The following ATP11A variants were observed in gnomAD, a reference collection of about 807,000 sequenced individuals.
The protein encoded by ATP11A is phospholipid-transporting ATPase IH.
A neutral mutation model predicts 154.4 loss-of-function variants in ATP11A; 81 were observed. That is an observed-to-expected ratio of 0.52 (90% confidence interval 0.44 to 0.63). ATP11A has a LOEUF of 0.63. Ranked by LOEUF, ATP11A falls within the 30% of genes least tolerant of loss-of-function variation. The pLI, the probability that ATP11A is intolerant of heterozygous loss-of-function variation, is 0.00. For synonymous variants in ATP11A, 623 were observed against 585.9 expected, an observed-to-expected ratio of 1.06 and a Z score of -0.91; for missense variants, 1,316 against 1,474.3, an observed-to-expected ratio of 0.89 and a Z score of 1.76.
intron 1 of ATP11A, among the ~76,000 whole-genome samples, chr13:112,691,060 C>T (rs1029264156): frequency 6.6e-6 from 1 of 152,250 alleles, no homozygotes; most frequent in Admixed American, 6.5e-5. Flanking sequence ...GGAATTTGCC[C>T]CTTCAGTGAT....
At chr13:112,701,858 G>A (rs1379355627) in intron 1 of ATP11A, among the ~76,000 whole-genome samples, 1 of 151,986 alleles carries the variant, frequency 6.6e-6, no homozygotes, top group Non-Finnish European at 1.5e-5. Context: ...AATGGACTGA[G>A]GTGTGAGTAG....
At chr13:112,834,200 G>A (rs1483589765) in intron 14 of ATP11A, among the ~76,000 whole-genome samples, 1 of 152,242 alleles carries the variant, frequency 6.6e-6, no homozygotes, top group Non-Finnish European at 1.5e-5. Flanking sequence ...CAGCCTCTCA[G>A]GGTCCCTCTC....
At chr13:112,779,407 A>C (rs960012446) in intron 1 of ATP11A, among the ~76,000 whole-genome samples, 2 of 149,170 alleles carry the variant, frequency 1.3e-5, no homozygotes, top group African/African-American at 5.0e-5. Flanking sequence ...AGTGAGGAGT[A>C]GCCACTGGAG....
chr13:112,732,371 T>A (rs1323265345), intron 1 of ATP11A, among the ~76,000 whole-genome samples: 1 of 152,158 alleles, frequency 6.6e-6, no homozygotes, highest in Non-Finnish European at 1.5e-5. Context: ...CCTGGGCCAG[T>A]GAGTCTCTCT....
intron 1 of ATP11A, among the ~76,000 whole-genome samples, chr13:112,764,304 A>T (rs1469131735): frequency 2.0e-5 from 3 of 152,010 alleles, no homozygotes; most frequent in African/African-American, 7.3e-5. Context: ...TTGAGTGTTT[A>T]TCACGACTTA....
chr13:112,727,665 C>T (rs1477972997), intron 1 of ATP11A, among the ~76,000 whole-genome samples: 1 of 152,204 alleles, frequency 6.6e-6, no homozygotes, highest in Non-Finnish European at 1.5e-5. Context: ...GCAGGGCCCG[C>T]ACAGGCCCCA....
chr13:112,859,983 A>C lies in ATP11A; in HGVS notation c.2728-304A>C, dbSNP rs751536383. Among the ~76,000 whole-genome samples the C allele has an allele frequency of 1.3e-5, 2 of 151,702 alleles. No individual in the cohort carries two copies. The highest frequency in any genetic ancestry group is 2.9e-5 in the Non-Finnish European group (2 of 68,002). On this transcript the variant is annotated intron_variant, in intron 23 of 29. Transcript: ENST00000375645. The surrounding 1 kb of genome is among the most constrained non-coding windows in gnomAD (Gnocchi z 4.3). ...CTTCATGGGAAGTGACTGCGACCAG[A>C]GTCACTGAAGCTTGAAGATGGCAAT... is the stretch of plus-strand genomic sequence containing the variant.
intron 1 of ATP11A, among the ~76,000 whole-genome samples, chr13:112,719,271 A>G (rs1888871531): frequency 6.6e-6 from 1 of 152,224 alleles, no homozygotes; most frequent in Non-Finnish European, 1.5e-5. Context: ...AGGTATGCAA[A>G]CTGCACCAGA....
rs568385221 is a variant in ATP11A at position 112,872,123 on chromosome 13, G to A, written c.3057+323G>A. On this transcript the variant is annotated intron_variant, in intron 26 of 29. Coordinates refer to ENST00000375645, the MANE Select transcript of ATP11A (RefSeq NM_015205.3). Reference sequence around the variant, plus strand: ...AGTGGCAAGTAGCCCTCCCCCCAGCGCCATCAAAATACACTTTAATTGAAA... The same window carrying A: ...AGTGGCAAGTAGCCCTCCCCCCAGCACCATCAAAATACACTTTAATTGAAA... Among the ~76,000 whole-genome samples the A allele has an allele frequency of 2.6e-4, 40 of 152,238 alleles. No homozygotes were observed. The South Asian group carries it at 6.8e-3, about 26-fold the overall frequency.
chr13:112,763,473 A>T (rs1277766733), intron 1 of ATP11A, among the ~76,000 whole-genome samples: 3 of 152,156 alleles, frequency 2.0e-5, no homozygotes, highest in Admixed American at 6.5e-5. Flanking sequence ...CTTACCTCAA[A>T]ATACATTTCA....
intron 25 of ATP11A, among the ~76,000 whole-genome samples, chr13:112,864,456 A>G (rs1393399666): frequency 1.9e-4 from 15 of 80,278 alleles, no homozygotes; most frequent in Middle Eastern, 9.8e-3. Flanking sequence ...AGTGCAGCCC[A>G]TGCAGCTTCC....
intron 1 of ATP11A, among the ~76,000 whole-genome samples, chr13:112,774,109 G>A (rs972823136): frequency 2.0e-5 from 3 of 152,232 alleles, no homozygotes; most frequent in African/African-American, 4.8e-5. Flanking sequence ...CATTGCGGCC[G>A]AAGGTTGCAG....
In ATP11A at chr13:112,834,678, C is replaced by T; in HGVS notation, c.1631+18C>T. ...ATCGAAAGGTATGTGCAGACCTCAC[C>T]CTCAGATGTGAAAGGACTAACGAAT... On this transcript the variant is annotated intron_variant, in intron 15 of 29. Coordinates refer to ENST00000375645, the MANE Select transcript of ATP11A (RefSeq NM_015205.3). 2 of 1,589,180 alleles carry T rather than the reference C, an allele frequency of 1.3e-6. No individual in the cohort carries two copies. The highest frequency in any genetic ancestry group is 1.7e-6 in the Non-Finnish European group (2 of 1,158,480).
At chr13:112,763,409 A>C (rs373660677) in intron 1 of ATP11A, among the ~76,000 whole-genome samples, 1 of 152,178 alleles carries the variant, frequency 6.6e-6, no homozygotes, top group African/African-American at 2.4e-5. Flanking sequence ...TAAGTTTCCA[A>C]CCTGACTCTA....
chr13:112,792,762 A>C (rs2077895106), intron 2 of ATP11A, among the ~76,000 whole-genome samples: 3 of 152,146 alleles, frequency 2.0e-5, no homozygotes, highest in South Asian at 4.1e-4. Context: ...TGCACCCCCC[A>C]CGTGGGGAAT....
intron 24 of ATP11A, among the ~76,000 whole-genome samples, chr13:112,862,204 G>A (rs954677532): frequency 2.0e-5 from 3 of 152,266 alleles, no homozygotes; most frequent in African/African-American, 7.2e-5. Context: ...CGATATTGCA[G>A]TGAATATGAG....
At chr13:112,732,815 G>T (rs2139700061) in intron 1 of ATP11A, among the ~76,000 whole-genome samples, 1 of 152,318 alleles carries the variant, frequency 6.6e-6, no homozygotes, top group South Asian at 2.1e-4. Context: ...GTTTCGCCAT[G>T]TTGGCCAGGC....
chr13:112,789,318 C>A (rs2077763398), intron 2 of ATP11A, among the ~76,000 whole-genome samples: 1 of 149,950 alleles, frequency 6.7e-6, no homozygotes, highest in Non-Finnish European at 1.5e-5. Context: ...GTGTAGACCT[C>A]TGTGGAGACC....
At chr13:112,843,447 ACCT>A (rs755427860) in intron 17 of ATP11A, among the ~76,000 whole-genome samples, 2 of 152,034 alleles carry the variant, frequency 1.3e-5, no homozygotes, top group Non-Finnish European at 2.9e-5. Context: ...CCAGGGCAGC[ACCT>A]CCTCTCACAC....
Sources: gnomAD v4.1 joint callset for allele counts (sites outside exome capture counted in the v4.1 genomes callset) on GRCh38, gnomAD v4.1.1 for gene constraint, Gnocchi (gnomAD v3.1) non-coding constraint, MANE v1.5 for transcripts, NCBI Gene and HGNC (gene_info 2026-07-23, HGNC 2026-07-21) for gene names.